NHSL1: variants seen among roughly 807,000 people sequenced by gnomAD.
NHSL1 encodes the protein NHS like 1.
NHSL1 carries 48 observed loss-of-function variants against 95.0 expected under a neutral mutation model. That is an observed-to-expected ratio of 0.51 (90% CI 0.40 to 0.64). NHSL1 has a LOEUF of 0.64. Among genes scored for constraint, NHSL1 ranks in the 30% least tolerant of loss-of-function variants. NHSL1 has a pLI of 0.00. For synonymous variants in NHSL1, 783 were observed against 833.9 expected (o/e 0.94, Z 1.05); for missense variants, 1,971 against 2,077.7 (o/e 0.95, Z 1.00).
Position 138,448,129 on chromosome 6 carries a change from G to A in NHSL1, c.340-936C>T, listed in dbSNP as rs199568915. On this transcript the variant is annotated intron_variant, in intron 3 of 7. Transcript: ENST00000343505. Reference sequence around the variant, plus strand: ...GATACAGATTAACATCCTCACTGAAGAGCCCTTCTTCAATACCTTTCTTTC... The same window carrying A: ...GATACAGATTAACATCCTCACTGAAAAGCCCTTCTTCAATACCTTTCTTTC... 2.7e-3 allele frequency among the ~76,000 whole-genome samples: 412 copies of A among 152,268 alleles called. 1 individual carries two copies. The Middle Eastern group carries it at 0.031, about 11-fold the overall frequency.
chr6:138,477,987 TTTTTTCA>T (rs1399826987), intron 2 of NHSL1, among the ~76,000 whole-genome samples: 1 of 150,746 alleles, frequency 6.6e-6, no homozygotes, highest in Admixed American at 6.6e-5. Flanking sequence ...CAATGCATCT[TTTTTTCA>T]CCATGAAATT....
chr6:138,505,561 A>C (rs1386626217), intron 1 of NHSL1, among the ~76,000 whole-genome samples: 1 of 150,786 alleles, frequency 6.6e-6, no homozygotes, highest in East Asian at 2.0e-4. Context: ...AGGCTGAGGC[A>C]GGAGAATCAC....
chr6:138,466,502 C>T (rs1778391437), intron 3 of NHSL1, among the ~76,000 whole-genome samples: 1 of 152,204 alleles, frequency 6.6e-6, no homozygotes, highest in South Asian at 2.1e-4. Context: ...AAGGCCTATC[C>T]TTTTCATTTA....
chr6:138,615,441 T>A (rs554800706), intron 1 of NHSL1, among the ~76,000 whole-genome samples: 1 of 152,362 alleles, frequency 6.6e-6, no homozygotes, highest in Non-Finnish European at 1.5e-5. Context: ...CTTTTTTATA[T>A]GGAAATAACC....
Position 138,533,489 on chromosome 6 carries a change from G to A in NHSL1, c.16+12134C>T, listed in dbSNP as rs373865926. ...CTTGAACCTGGGAGGTGGAGGTTGC[G>A]GTGAGCCGAGATCACGCCACTGCAC... is the stretch of plus-strand genomic sequence containing the variant. On this transcript the variant is annotated intron_variant, in intron 1 of 4. Transcript: ENST00000342260. 3.4e-4 allele frequency among the ~76,000 whole-genome samples: 52 copies of A among 151,990 alleles called. No individual in the cohort carries two copies. In the East Asian group the frequency reaches 9.5e-3, roughly 28 times the overall value.
intron 1 of NHSL1, among the ~76,000 whole-genome samples, chr6:138,654,392 T>G (rs1293624528): frequency 6.6e-6 from 1 of 152,228 alleles, no homozygotes; most frequent in Non-Finnish European, 1.5e-5. Context: ...TCATTAAATT[T>G]TGAACATGCA....
Position 138,566,292 on chromosome 6 carries a change from G to C in NHSL1, c.202+5418C>G, listed in dbSNP as rs1562374498. ...GGGTGCCTGTAATCCCAGCTACCCAGGAGGCTGAGGCAGGAGAATAACTAG... is the reference window on the plus strand; with the variant it reads ...GGGTGCCTGTAATCCCAGCTACCCACGAGGCTGAGGCAGGAGAATAACTAG... On this transcript the variant is annotated intron_variant, in intron 1 of 6. Coordinates refer to the NHSL1 transcript ENST00000427025. Among the ~76,000 whole-genome samples the C allele has an allele frequency of 2.0e-5, 3 of 152,158 alleles. No individual in the cohort carries two copies. The South Asian group carries it at 6.2e-4, about 32-fold the overall frequency.
rs1260645858 is a variant in NHSL1, at chr6:138,489,068, T to C, written c.211+7151A>G. ...AGCGTCTGTCACTGTCATCAGAAGG[T>C]GTTCCTTGTTCTGTTCCTTTATCCC... On this transcript the variant is annotated intron_variant, in intron 2 of 7. Transcript: ENST00000343505. Among the ~76,000 whole-genome samples the C allele has an allele frequency of 2.0e-5, 3 of 152,294 alleles. No homozygotes were observed. In the East Asian group the frequency reaches 5.8e-4, roughly 29 times the overall value.
In NHSL1 at chr6:138,508,770, C is replaced by T. The variant is rs551136060; in HGVS notation, c.17-12399G>A. Reference sequence around the variant, plus strand: ...ACCTTTCTTAAGAAGCATTCCTTGACAGACTGTCACTCTATTTCAAAAATA... The same window carrying T: ...ACCTTTCTTAAGAAGCATTCCTTGATAGACTGTCACTCTATTTCAAAAATA... On this transcript the variant is annotated intron_variant, in intron 1 of 4. Coordinates refer to the NHSL1 transcript ENST00000342260. Among the ~76,000 whole-genome samples the T allele has an allele frequency of 6.8e-4, 103 of 152,326 alleles. No individual in the cohort carries two copies. In the South Asian group the frequency reaches 7.3e-3, roughly 11 times the overall value.
At chr6:138,620,444 G>C (rs1175842100) in intron 1 of NHSL1, among the ~76,000 whole-genome samples, 1 of 152,026 alleles carries the variant, frequency 6.6e-6, no homozygotes, top group Non-Finnish European at 1.5e-5. Flanking sequence ...TAAGGGGTAA[G>C]GACAGAACTT....
At chr6:138,584,623 ACACT>A (rs1270907839) in intron 1 of NHSL1, among the ~76,000 whole-genome samples, 1 of 152,238 alleles carries the variant, frequency 6.6e-6, no homozygotes, top group Non-Finnish European at 1.5e-5. Flanking sequence ...AACACTTAAG[ACACT>A]CAGACACTCG....
chr6:138,456,168 A>C (rs1777600154), intron 3 of NHSL1, among the ~76,000 whole-genome samples: 1 of 152,232 alleles, frequency 6.6e-6, no homozygotes. Flanking sequence ...ATAATTACAC[A>C]GAATAACAGC....
At chr6:138,555,109 T>G (rs1393947917) in intron 1 of NHSL1, among the ~76,000 whole-genome samples, 4 of 152,176 alleles carry the variant, frequency 2.6e-5, no homozygotes, top group African/African-American at 9.7e-5. Flanking sequence ...AGTTACAAGA[T>G]CCACAGAGCA....
chr6:138,608,490 A>T (rs953443435), intron 1 of NHSL1, among the ~76,000 whole-genome samples: 1 of 152,198 alleles, frequency 6.6e-6, no homozygotes, highest in African/African-American at 2.4e-5. Context: ...CTCAATGTGA[A>T]CTCAATAATT....
intron 1 of NHSL1, among the ~76,000 whole-genome samples, chr6:138,558,131 C>CT (rs952535314): frequency 6.0e-5 from 9 of 150,556 alleles, no homozygotes; most frequent in East Asian, 3.9e-4. Context: ...TTTTGGGGGG[C>CT]TTTTTTTTTG....
intron 5 of NHSL1, among the ~76,000 whole-genome samples, chr6:138,440,763 A>C (rs1396989490): frequency 6.6e-6 from 1 of 152,270 alleles, no homozygotes; most frequent in African/African-American, 2.4e-5. Context: ...AGCACCCAGA[A>C]GGTGACATAC....
rs1026202153 is a variant in NHSL1 at position 138,688,513 on chromosome 6, G to A, written c.96+3963C>T. On this transcript the variant is annotated intron_variant, in intron 1 of 3. Transcript: ENST00000491526. ...ACAAAAATTAGCCAGGCATGGTGGT[G>A]GGCATCTGTAATCCCAGCTACTCAG... Among the ~76,000 whole-genome samples the A allele has an allele frequency of 2.0e-5, 3 of 151,978 alleles. No individual in the cohort carries two copies. In the East Asian group the frequency reaches 5.8e-4, roughly 30 times the overall value.
At chr6:138,437,335 TATATATACAC>T (rs1422485131) in intron 5 of NHSL1, among the ~76,000 whole-genome samples, 898 of 57,588 alleles carry the variant, frequency 0.016, 73 homozygotes, top group African/African-American at 0.055. Flanking sequence ...CACACATATA[TATATATACAC>T]ATATATATAT....
At chr6:138,614,856 C>T (rs118088779) in intron 1 of NHSL1, among the ~76,000 whole-genome samples, 2,430 of 152,290 alleles carry the variant, frequency 0.016, 23 homozygotes, top group South Asian at 0.026. Flanking sequence ...TTGAATGCTT[C>T]TTATGAGAAT....
Sources: gnomAD v4.1 joint callset for allele counts (sites outside exome capture counted in the v4.1 genomes callset) on GRCh38, gnomAD v4.1.1 for gene constraint, MANE v1.5 for transcripts, NCBI Gene and HGNC (gene_info 2026-07-23, HGNC 2026-07-21) for gene names.